SNX9: variants seen among roughly 807,000 people sequenced by gnomAD.
The protein encoded by SNX9 is sorting nexin-9.
A neutral mutation model predicts 89.4 loss-of-function variants in SNX9; 44 were observed. The observed-to-expected ratio is 0.49, with a 90% confidence interval of 0.39 to 0.63. The LOEUF (loss-of-function observed/expected upper bound fraction) is 0.63, where lower values mean the gene tolerates loss of function less well. Ranked by LOEUF, SNX9 falls within the 30% of genes least tolerant of loss-of-function variation. The pLI, the probability that SNX9 is intolerant of heterozygous loss-of-function variation, is 0.00. For synonymous variants in SNX9, 236 were observed against 247.8 expected (o/e 0.95, Z 0.45); for missense variants, 578 against 736.1 (o/e 0.79, Z 2.49).
chr6:157,870,481 CAG>C (rs1256535040), intron 2 of SNX9, among the ~76,000 whole-genome samples: 5 of 151,394 alleles, frequency 3.3e-5, no homozygotes, highest in Admixed American at 3.3e-4. Context: ...ATACACCCTG[CAG>C]ATAGTCTCAC....
intron 4 of SNX9, among the ~76,000 whole-genome samples, chr6:157,886,690 C>T (rs952882723): frequency 3.3e-5 from 5 of 152,142 alleles, no homozygotes; most frequent in Non-Finnish European, 5.9e-5. Flanking sequence ...TGTCGAATTC[C>T]AATTTGGAAT....
At chr6:157,917,793 A>C (rs1263280479) in intron 9 of SNX9, among the ~76,000 whole-genome samples, 2 of 152,180 alleles carry the variant, frequency 1.3e-5, no homozygotes, top group Non-Finnish European at 2.9e-5. Flanking sequence ...CAAGGAAAAA[A>C]GTCCATACAT....
At position 157,896,683 on chromosome 6, in the gene SNX9, T is replaced by TA. The variant is rs2115164218; in HGVS notation, c.301-143dup. 4 of 925,180 alleles carry TA rather than the reference T, an allele frequency of 4.3e-6. No homozygotes were observed. In the South Asian group the frequency reaches 6.1e-5, roughly 14 times the overall value. 57.3% of individuals were successfully genotyped at this position (925,180 alleles called of 1,614,324 possible). ...CCTACATGTTTGGAAATTAAAATATTATGTATGTAAAATTGTTTTGAATAC... is the reference window on the plus strand; with the variant it reads ...CCTACATGTTTGGAAATTAAAATATTAATGTATGTAAAATTGTTTTGAATAC... On this transcript the variant is annotated intron_variant, in intron 4 of 17. Transcript: ENST00000392185.
At chr6:157,900,441 C>T (rs1005672563) in intron 5 of SNX9, among the ~76,000 whole-genome samples, 6 of 152,272 alleles carry the variant, frequency 3.9e-5, no homozygotes, top group Middle Eastern at 3.4e-3. Context: ...CGCAATGCAA[C>T]GGGGTTCTCT....
In SNX9 at chr6:157,940,742, A is replaced by G. The variant is rs577667763; in HGVS notation, c.1649-141A>G. Reference sequence around the variant, plus strand: ...CAACTTGTTTTTCTAACCTCTTAGTAAAGTGATTTACCAAGAACTGACAAC... The same window carrying G: ...CAACTTGTTTTTCTAACCTCTTAGTGAAGTGATTTACCAAGAACTGACAAC... On this transcript the variant is annotated intron_variant, in intron 16 of 17. Coordinates refer to ENST00000392185, the MANE Select transcript of SNX9 (RefSeq NM_016224.5). 3 of 686,216 alleles carry G rather than the reference A, an allele frequency of 4.4e-6. No individual in the cohort carries two copies. In the Admixed American group the frequency reaches 7.4e-5, roughly 17 times the overall value. The allele number at this position is 686,216 out of a possible 1,614,324, so 42.5% of individuals were successfully genotyped here.
intron 1 of SNX9, among the ~76,000 whole-genome samples, chr6:157,847,750 T>C (rs577581093): frequency 6.6e-6 from 1 of 152,254 alleles, no homozygotes; most frequent in African/African-American, 2.4e-5. Context: ...TGTAACATAT[T>C]TTTCAGTATA....
intron 7 of SNX9, among the ~76,000 whole-genome samples, chr6:157,907,353 C>T (rs967796387): frequency 2.6e-5 from 4 of 152,160 alleles, no homozygotes; most frequent in African/African-American, 9.7e-5. Flanking sequence ...GTGATCTTGG[C>T]TCACTGCAAC....
chr6:157,936,755 A>G (rs954358252), intron 14 of SNX9, among the ~76,000 whole-genome samples: 3 of 152,242 alleles, frequency 2.0e-5, no homozygotes, highest in Non-Finnish European at 2.9e-5. Flanking sequence ...AGGACAGGGT[A>G]GGTCCTTGTC....
At chr6:157,919,402 T>C (rs894540713) in intron 9 of SNX9, among the ~76,000 whole-genome samples, 6 of 152,224 alleles carry the variant, frequency 3.9e-5, no homozygotes, top group Non-Finnish European at 7.3e-5. Context: ...TTTTTCTCTG[T>C]GTTCTTCATG....
At chr6:157,850,830 G>A (rs981127711) in intron 1 of SNX9, among the ~76,000 whole-genome samples, 25 of 152,224 alleles carry the variant, frequency 1.6e-4, no homozygotes, top group African/African-American at 5.5e-4. Context: ...GCCAGGGGCT[G>A]GGCCTGTGCT....
At chr6:157,826,635 G>C (rs1781350163) in intron 1 of SNX9, among the ~76,000 whole-genome samples, 1 of 146,156 alleles carries the variant, frequency 6.8e-6, no homozygotes, top group African/African-American at 2.7e-5. Context: ...GTGCAATCAA[G>C]TCTTGTTTTA....
chr6:157,901,301 A>G (rs1258133989), intron 5 of SNX9, among the ~76,000 whole-genome samples: 1 of 152,084 alleles, frequency 6.6e-6, no homozygotes, highest in Non-Finnish European at 1.5e-5. Flanking sequence ...CTACCTTTTC[A>G]TTTTGATTGT....
chr6:157,918,392 G>C (rs1218522808), intron 9 of SNX9, among the ~76,000 whole-genome samples: 1 of 152,112 alleles, frequency 6.6e-6, no homozygotes, highest in Non-Finnish European at 1.5e-5. Context: ...GTGTTAAAGT[G>C]TACTTGTCTA....
At chr6:157,897,141 C>T (rs1212682789) in intron 5 of SNX9, 143 bp downstream of exon 5, 3 of 767,502 alleles carry the variant, frequency 3.9e-6, no homozygotes, top group Non-Finnish European at 6.0e-6. Flanking sequence ...GGAGGATTGC[C>T]CCACCCACCA....
intron 4 of SNX9, among the ~76,000 whole-genome samples, chr6:157,893,808 G>C (rs1162384614): frequency 6.6e-6 from 1 of 152,158 alleles, no homozygotes; most frequent in Non-Finnish European, 1.5e-5. Context: ...TGAAAGTTCA[G>C]ATTGTTTTAG....
chr6:157,930,394 T>C (rs1038740514), intron 12 of SNX9, among the ~76,000 whole-genome samples: 2 of 152,208 alleles, frequency 1.3e-5, no homozygotes, highest in African/African-American at 2.4e-5. Flanking sequence ...GTCAAGACTT[T>C]AGTCATAGAG....
chr6:157,937,129 G>T (rs1360356115), intron 14 of SNX9, among the ~76,000 whole-genome samples: 4 of 152,194 alleles, frequency 2.6e-5, no homozygotes, highest in Admixed American at 6.5e-5. Flanking sequence ...ATTTGTTTGT[G>T]TGTAAACATA....
intron 9 of SNX9, among the ~76,000 whole-genome samples, chr6:157,919,904 G>A (rs1783548805): frequency 6.6e-6 from 1 of 151,968 alleles, no homozygotes; most frequent in Non-Finnish European, 1.5e-5. Flanking sequence ...TAAGTAACTT[G>A]CCTAAGATTA....
chr6:157,868,021 C>T (rs541286726), intron 2 of SNX9, among the ~76,000 whole-genome samples: 4 of 152,318 alleles, frequency 2.6e-5, no homozygotes, highest in East Asian at 1.9e-4. Context: ...CATGATAATA[C>T]TGTATCTCTA....
Sources: allele counts gnomAD v4.1 joint callset (sites outside exome capture counted in the v4.1 genomes callset), GRCh38; gene constraint gnomAD v4.1.1; transcripts MANE v1.5; gene names NCBI Gene and HGNC (gene_info 2026-07-23, HGNC 2026-07-21).